TMEM117: variants seen among roughly 807,000 people sequenced by gnomAD.
TMEM117 encodes transmembrane protein 117.
TMEM117 carries 27 observed loss-of-function variants against 52.4 expected under a neutral mutation model. The ratio of observed to expected loss-of-function variants is 0.51; its 90% CI spans 0.38 to 0.71. TMEM117 has a LOEUF of 0.71. Among genes scored for constraint, TMEM117 ranks in the 30% least tolerant of loss-of-function variants. The probability of loss-of-function intolerance (pLI) is 0.00; values close to 1 mark genes in which losing one functional copy is unlikely to be tolerated. For missense variants in TMEM117, 556 were observed against 630.5 expected, an observed-to-expected ratio of 0.88 and a Z score of 1.26; for synonymous variants, 215 against 206.3, an observed-to-expected ratio of 1.04 and a Z score of -0.36.
At chr12:43,869,565 G>A (rs1198882574) in intron 2 of TMEM117, among the ~76,000 whole-genome samples, 4 of 152,200 alleles carry the variant, frequency 2.6e-5, no homozygotes, top group African/African-American at 9.7e-5. Flanking sequence ...CTGATGGCAG[G>A]AGCAATCAGT....
chr12:44,147,685 C>T (rs1948663324), intron 4 of TMEM117, among the ~76,000 whole-genome samples: 1 of 152,032 alleles, frequency 6.6e-6, no homozygotes, highest in Non-Finnish European at 1.5e-5. Flanking sequence ...CCTGTAACCC[C>T]AGCACTTGGG....
the TMEM117 span, chr12:43,804,070 T>G: frequency 4.4e-6 from 1 of 228,556 alleles, no homozygotes; most frequent in Admixed American, 5.0e-5. Context: ...GTGGCAAAGG[T>G]TGCAATCAAA....
the TMEM117 span, chr12:43,802,171 G>C: frequency 9.5e-6 from 6 of 630,216 alleles, no homozygotes; most frequent in Non-Finnish European, 1.5e-5. Context: ...TTTTCCTCAT[G>C]ATCATTCCCT....
At chr12:43,896,926 C>T (rs1418682380) in intron 2 of TMEM117, among the ~76,000 whole-genome samples, 13 of 152,108 alleles carry the variant, frequency 8.5e-5, no homozygotes, top group Non-Finnish European at 1.5e-5. Context: ...GGTCTGTGTG[C>T]AAGAAGAGGA....
At chr12:43,999,659 G>C (rs555897368) in intron 3 of TMEM117, among the ~76,000 whole-genome samples, 1 of 151,954 alleles carries the variant, frequency 6.6e-6, no homozygotes, top group South Asian at 2.1e-4. Flanking sequence ...TTTGTTATTT[G>C]TTTTTCTTTT....
At chr12:44,281,877 T>C (rs989526743) in intron 5 of TMEM117, among the ~76,000 whole-genome samples, 3 of 152,230 alleles carry the variant, frequency 2.0e-5, no homozygotes, top group African/African-American at 7.2e-5. Flanking sequence ...ATGCCTGGGG[T>C]AATGATTAAT....
intron 4 of TMEM117, among the ~76,000 whole-genome samples, chr12:44,193,751 A>G (rs916357581): frequency 6.6e-6 from 1 of 152,212 alleles, no homozygotes; most frequent in African/African-American, 2.4e-5. Context: ...CACTACCTGT[A>G]GGCTTAAAAA....
At chr12:44,233,075 C>A (rs1315530667) in intron 5 of TMEM117, among the ~76,000 whole-genome samples, 2 of 151,140 alleles carry the variant, frequency 1.3e-5, no homozygotes, top group African/African-American at 4.8e-5. Context: ...TGAATGACAG[C>A]TTTGTTTTCA....
At chr12:44,217,554 T>G (rs1949734270) in intron 5 of TMEM117, among the ~76,000 whole-genome samples, 2 of 152,226 alleles carry the variant, frequency 1.3e-5, no homozygotes, top group South Asian at 4.1e-4. Context: ...ATTAAATATA[T>G]TGACGGTTGA....
At chr12:44,095,654 C>G (rs537673846) in intron 3 of TMEM117, among the ~76,000 whole-genome samples, 2 of 152,040 alleles carry the variant, frequency 1.3e-5, no homozygotes, top group Non-Finnish European at 2.9e-5. Flanking sequence ...AAGCTCGGTT[C>G]AAAGTTGTCA....
At chr12:44,109,942 C>T (rs1162589125) in intron 3 of TMEM117, among the ~76,000 whole-genome samples, 2 of 88,214 alleles carry the variant, frequency 2.3e-5, no homozygotes, top group Admixed American at 1.2e-4. Context: ...AAGTTGGATT[C>T]CTAGGTATTT....
At chr12:43,916,242 A>G (rs1944601513) in intron 2 of TMEM117, among the ~76,000 whole-genome samples, 1 of 152,180 alleles carries the variant, frequency 6.6e-6, no homozygotes, top group Non-Finnish European at 1.5e-5. Flanking sequence ...AATGCCAGCC[A>G]TGGTAACCTC....
intron 3 of TMEM117, among the ~76,000 whole-genome samples, chr12:44,057,289 A>AC (rs1947071326): frequency 6.6e-6 from 1 of 152,122 alleles, no homozygotes; most frequent in African/African-American, 2.4e-5. Flanking sequence ...GGTCCCGTGA[A>AC]TTTCTGGGGT....
chr12:44,027,132 ATATTTTATTT>A (rs781312092), intron 3 of TMEM117, among the ~76,000 whole-genome samples: 30,706 of 103,096 alleles, frequency 0.3, 4,459 homozygotes, highest in East Asian at 0.56. Flanking sequence ...ATTTTATTTT[ATATTTTATTT>A]TATTTTATTT....
intron 5 of TMEM117, among the ~76,000 whole-genome samples, chr12:44,247,923 C>A (rs1242099271): frequency 6.6e-6 from 1 of 152,144 alleles, no homozygotes; most frequent in Non-Finnish European, 1.5e-5. Context: ...ACCTCTTATG[C>A]CAGGCTTGTC....
At chr12:44,393,027 C>T (rs966530260), downstream of TMEM117, among the ~76,000 whole-genome samples, 5 of 152,076 alleles carry the variant, frequency 3.3e-5, no homozygotes, top group Middle Eastern at 3.2e-3. Context: ...CAGGTACTTT[C>T]TCCTAGAGAG....
In TMEM117 at chr12:43,942,504, C is replaced by T. The variant is rs115873678; in HGVS notation, c.278-1706C>T. ...ATCATTTGTTTTAGTAGAACGTTTT[C>T]CACTTTCTTCTTTTAGTTATACAGT... On this transcript the variant is annotated intron_variant, in intron 2 of 7. Transcript: ENST00000266534. Among the ~76,000 whole-genome samples the T allele has an allele frequency of 7.0e-3, 1,063 of 152,138 alleles. 11 individuals carry two copies. The highest frequency in any genetic ancestry group is 0.023 in the African/African-American group (959 of 41,518).
chr12:43,820,399 G>A, the TMEM117 span, among the ~76,000 whole-genome samples: 1 of 151,918 alleles, frequency 6.6e-6, no homozygotes, highest in Admixed American at 6.6e-5. Flanking sequence ...TCAGCCTCCC[G>A]AGTAGCTGGG....
At chr12:43,987,503 G>T (rs1945867923) in intron 3 of TMEM117, among the ~76,000 whole-genome samples, 2 of 148,654 alleles carry the variant, frequency 1.3e-5, no homozygotes, top group Admixed American at 1.3e-4. Flanking sequence ...GTCTTGTTTA[G>T]AATGTACATT....
Sources: allele counts gnomAD v4.1 joint callset (sites outside exome capture counted in the v4.1 genomes callset), GRCh38; gene constraint gnomAD v4.1.1; transcripts MANE v1.5; gene names NCBI Gene and HGNC (gene_info 2026-07-23, HGNC 2026-07-21).